The following CTNNA3 variants were observed in gnomAD, a reference collection of about 807,000 sequenced individuals.
CTNNA3 encodes the protein catenin alpha 3.
Under a neutral mutation model 95.7 loss-of-function variants are expected in CTNNA3, and 76 were observed. The ratio of observed to expected loss-of-function variants is 0.79; its 90% CI spans 0.66 to 0.96. The LOEUF (loss-of-function observed/expected upper bound fraction) is 0.96. Ranked by LOEUF, CTNNA3 falls within the 40% of genes least tolerant of loss-of-function variation. The pLI, the probability that CTNNA3 is intolerant of heterozygous loss-of-function variation, is 0.00. For synonymous variants in CTNNA3, 431 were observed against 374.4 expected (o/e 1.15, Z -1.74); for missense variants, 1,191 against 1,089.8 (o/e 1.09, Z -1.31).
intron 13 of CTNNA3, among the ~76,000 whole-genome samples, chr10:66,271,549 A>G (rs764338725): frequency 6.6e-6 from 1 of 152,202 alleles, no homozygotes; most frequent in Non-Finnish European, 1.5e-5. Context: ...AAAGCAAACC[A>G]AAAACTCTAA....
intron 11 of CTNNA3, among the ~76,000 whole-genome samples, chr10:66,496,796 C>G (rs1314547736): frequency 2.0e-5 from 3 of 152,134 alleles, no homozygotes; most frequent in African/African-American, 7.2e-5. Flanking sequence ...TGAATAATAG[C>G]TATACTAGTT....
chr10:67,710,910 T>A (rs1203055681), intron 1 of CTNNA3, among the ~76,000 whole-genome samples: 1 of 152,196 alleles, frequency 6.6e-6, no homozygotes, highest in Non-Finnish European at 1.5e-5. Flanking sequence ...AAATCTCATC[T>A]TGAATTCCCA....
intron 3 of CTNNA3, among the ~76,000 whole-genome samples, chr10:67,566,540 T>C (rs1023672568): frequency 3.3e-5 from 5 of 151,984 alleles, no homozygotes; most frequent in African/African-American, 9.7e-5. Flanking sequence ...GGAGAGGATG[T>C]GGAGAAATAG....
chr10:67,495,419 A>G (rs555478164), intron 5 of CTNNA3, among the ~76,000 whole-genome samples: 3 of 152,188 alleles, frequency 2.0e-5, no homozygotes, highest in Non-Finnish European at 4.4e-5. Flanking sequence ...AGCATTTTTT[A>G]GAGTCATAGG....
intron 9 of CTNNA3, among the ~76,000 whole-genome samples, chr10:66,640,969 G>A (rs1198337312): frequency 1.3e-5 from 2 of 151,824 alleles, no homozygotes; most frequent in African/African-American, 4.8e-5. Context: ...TTTGACATGG[G>A]AGAAAAAAAC....
chr10:67,581,401 G>A (rs1208023132), intron 3 of CTNNA3, among the ~76,000 whole-genome samples: 1 of 152,152 alleles, frequency 6.6e-6, no homozygotes, highest in Non-Finnish European at 1.5e-5. Context: ...GAATCCCAGG[G>A]ATGAAGCCAA....
intron 2 of CTNNA3, among the ~76,000 whole-genome samples, chr10:67,637,848 G>C (rs948297290): frequency 2.4e-4 from 37 of 152,182 alleles, no homozygotes; most frequent in Admixed American, 1.4e-3. Context: ...CTGCCTAAAA[G>C]AGCTCCTGAA....
intron 5 of CTNNA3, among the ~76,000 whole-genome samples, chr10:67,429,697 T>C (rs1046343452): frequency 6.6e-6 from 1 of 152,038 alleles, no homozygotes; most frequent in African/African-American, 2.4e-5. Flanking sequence ...TAGGTTTTTT[T>C]CTACATGTCG....
chr10:66,647,319 T>C (rs4746617), intron 9 of CTNNA3, among the ~76,000 whole-genome samples: 102,396 of 151,878 alleles, frequency 0.67, 35,596 homozygotes, highest in East Asian at 0.95. Flanking sequence ...AAAAGTGATA[T>C]GCAAACCAAA....
chr10:66,097,765 C>A (rs1319361058), intron 14 of CTNNA3, among the ~76,000 whole-genome samples: 1 of 152,096 alleles, frequency 6.6e-6, no homozygotes, highest in African/African-American at 2.4e-5. Flanking sequence ...CCTGCTGCAA[C>A]TTAAATAATT....
intron 1 of CTNNA3, among the ~76,000 whole-genome samples, chr10:67,693,116 G>A (rs1840900473): frequency 6.6e-6 from 1 of 152,192 alleles, no homozygotes; most frequent in African/African-American, 2.4e-5. Context: ...CTAGAAGCTA[G>A]TGATTAAATT....
At chr10:66,273,596 A>G (rs1415066546) in intron 13 of CTNNA3, among the ~76,000 whole-genome samples, 1 of 152,212 alleles carries the variant, frequency 6.6e-6, no homozygotes, top group Non-Finnish European at 1.5e-5. Context: ...GTTTCAAAAC[A>G]TACCATAATC....
At chr10:67,295,784 A>C (rs1840007135) in intron 5 of CTNNA3, among the ~76,000 whole-genome samples, 1 of 152,248 alleles carries the variant, frequency 6.6e-6, no homozygotes, top group African/African-American at 2.4e-5. Flanking sequence ...AATAAAATCA[A>C]CTTAAATTAG....
At chr10:66,085,898 A>G (rs1564628727) in intron 14 of CTNNA3, among the ~76,000 whole-genome samples, 2 of 142,136 alleles carry the variant, frequency 1.4e-5, no homozygotes, top group South Asian at 4.6e-4. Flanking sequence ...ACTGCCTAAG[A>G]TTCAAAACAT....
chr10:66,031,657 A>C (rs2079451732), intron 15 of CTNNA3, among the ~76,000 whole-genome samples: 2 of 152,206 alleles, frequency 1.3e-5, no homozygotes, highest in Admixed American at 1.3e-4. Context: ...TCTGAACTTC[A>C]GCATCACCTA....
chr10:67,234,584 TC>T (rs1865368993), intron 5 of CTNNA3, among the ~76,000 whole-genome samples: 1 of 151,876 alleles, frequency 6.6e-6, no homozygotes, highest in Admixed American at 6.6e-5. Flanking sequence ...CTGGAAGCAT[TC>T]CCTTTGAAAA....
At chr10:66,058,221 CAGAA>C (rs2080123481) in intron 15 of CTNNA3, among the ~76,000 whole-genome samples, 1 of 152,146 alleles carries the variant, frequency 6.6e-6, no homozygotes, top group African/African-American at 2.4e-5. Context: ...ACTATGCTTT[CAGAA>C]AGATTTAATT....
chr10:66,940,337 T>C (rs1043382679), intron 7 of CTNNA3, among the ~76,000 whole-genome samples: 1 of 151,416 alleles, frequency 6.6e-6, no homozygotes, highest in Non-Finnish European at 1.5e-5. Flanking sequence ...CTACAAAAAA[T>C]GAAAAAAAAT....
At chr10:66,398,738 TTGAA>T (rs2132552120) in intron 11 of CTNNA3, among the ~76,000 whole-genome samples, 1 of 152,138 alleles carries the variant, frequency 6.6e-6, no homozygotes, top group African/African-American at 2.4e-5. Context: ...ATTCAAGATC[TTGAA>T]TGAAGATATG....
Sources: allele counts gnomAD v4.1 joint callset (sites outside exome capture counted in the v4.1 genomes callset), GRCh38; gene constraint gnomAD v4.1.1; transcripts MANE v1.5; gene names NCBI Gene and HGNC (gene_info 2026-07-23, HGNC 2026-07-21).